GPCPD1: variants seen among roughly 807,000 people sequenced by gnomAD.
GPCPD1 encodes the protein glycerophosphocholine phosphodiesterase 1, also known as glycerophosphocholine phosphodiesterase GPCPD1.
In GPCPD1, 29 loss-of-function variants were observed where a neutral mutation model predicts 89.2. That is an observed-to-expected ratio of 0.33 (90% CI 0.24 to 0.44). The LOEUF is 0.44. Among genes scored for constraint, GPCPD1 ranks in the 20% least tolerant of loss-of-function variants. The pLI is 1.00. For missense variants in GPCPD1, 594 were observed against 808.9 expected, an observed-to-expected ratio of 0.73 and a Z score of 3.22; for synonymous variants, 258 against 266.3, an observed-to-expected ratio of 0.97 and a Z score of 0.30.
At chr20:5,588,095 T>C (rs1979054841) in intron 4 of GPCPD1, among the ~76,000 whole-genome samples, 1 of 152,268 alleles carries the variant, frequency 6.6e-6, no homozygotes, top group South Asian at 2.1e-4. Context: ...GTGACTTTCG[T>C]ATCCATTATA....
chr20:5,598,968 T>C, intron 2 of GPCPD1, 147 bp from the exon 3 acceptor site: 1 of 619,570 alleles, frequency 1.6e-6, no homozygotes, highest in African/African-American at 1.8e-5. Flanking sequence ...TGGGCCCAGG[T>C]ACCTACCACT....
Position 5,571,225 on chromosome 20 carries a change from G to A in GPCPD1, c.1057-986C>T, listed in dbSNP as rs542185590. On this transcript the variant is annotated intron_variant, in intron 11 of 19. Coordinates refer to ENST00000379019, the MANE Select transcript of GPCPD1 (RefSeq NM_019593.5). ...GAAGCCTACTTCCTTGCAGACTTCC[G>A]AAGCGGGAAACTTAGCACCTCTTAT... 3.3e-5 allele frequency among the ~76,000 whole-genome samples: 5 copies of A among 152,272 alleles called. No individual in the cohort carries two copies. In the South Asian group the frequency reaches 6.2e-4, roughly 19 times the overall value.
chr20:5,564,879 A>G, intron 15 of GPCPD1, 138 bp downstream of exon 15: 2 of 668,888 alleles, frequency 3.0e-6, no homozygotes, highest in Non-Finnish European at 5.4e-6. Flanking sequence ...CTTCTCTAAA[A>G]GGCACCAATG....
chr20:5,576,184 GC>G (rs1978288344), intron 8 of GPCPD1, among the ~76,000 whole-genome samples: 1 of 151,718 alleles, frequency 6.6e-6, no homozygotes, highest in Admixed American at 6.6e-5. Context: ...ACTTTGGGAT[GC>G]TGACGCAGGC....
chr20:5,580,215 C>T, intron 6 of GPCPD1, 84 bp from the exon 7 acceptor site: 1 of 653,154 alleles, frequency 1.5e-6, no homozygotes, highest in Non-Finnish European at 2.6e-6. Flanking sequence ...ATTGATAATT[C>T]TAGTTCACAT....
Position 5,554,113 on chromosome 20 carries a change from C to T in GPCPD1, c.1829+3832G>A, listed in dbSNP as rs964064902. 2.2e-5 allele frequency among the ~76,000 whole-genome samples: 3 copies of T among 135,248 alleles called. 1 individual carries two copies. Among genetic ancestry groups the T allele is most frequent in the Non-Finnish European group, 4.7e-5 (3 of 63,644 alleles). 88.7% of individuals were successfully genotyped at this position (135,248 alleles called of 152,430 possible). A position where few individuals can be genotyped will look rare whatever the true frequency, so the allele number is the denominator to read the frequency against. ...CCTCCCGAGTAGCTGGGACTACAGG[C>T]GCCCGCCACCACGCCCGGCTAATTA... On this transcript the variant is annotated intron_variant, in intron 19 of 19. Coordinates refer to ENST00000379019, the MANE Select transcript of GPCPD1 (RefSeq NM_019593.5).
chr20:5,575,369 A>G, intron 10 of GPCPD1, 44 bp downstream of exon 10: 5 of 1,444,160 alleles, frequency 3.5e-6, no homozygotes, highest in Non-Finnish European at 4.8e-6. Context: ...TCTACCGAAC[A>G]TAAGCTACAC....
chr20:5,581,656 C>T (rs1208506520), intron 6 of GPCPD1, among the ~76,000 whole-genome samples: 4 of 152,110 alleles, frequency 2.6e-5, no homozygotes, highest in Non-Finnish European at 5.9e-5. Context: ...ACCTACTTAA[C>T]ATAGGTAATA....
chr20:5,582,321 C>T (rs1223363059), intron 6 of GPCPD1, among the ~76,000 whole-genome samples: 1 of 148,690 alleles, frequency 6.7e-6, no homozygotes, highest in East Asian at 2.0e-4. Flanking sequence ...AAGTACTGTA[C>T]ACTGTTTTCT....
chr20:5,549,457 C>G, intron 19 of GPCPD1: 2 of 1,204,362 alleles, frequency 1.7e-6, no homozygotes, highest in Non-Finnish European at 2.4e-6. Context: ...ACAGCTCCAC[C>G]ACTAAAAATA....
chr20:5,567,709 C>G lies in GPCPD1; in HGVS notation c.1150-149G>C. 5.5e-6 allele frequency: 4 copies of G among 726,246 alleles called. No individual in the cohort carries two copies. In the East Asian group the frequency reaches 1.2e-4, roughly 22 times the overall value. The allele number at this position is 726,246 out of a possible 1,614,324, so 45.0% of individuals were successfully genotyped here. On this transcript the variant is annotated intron_variant, in intron 12 of 19. Coordinates refer to ENST00000379019, the MANE Select transcript of GPCPD1 (RefSeq NM_019593.5). ...ATGAGAATAACTGTTAGTAGCCATA[C>G]TGAGCCCATGCAGGACAGCCCTTCT...
intron 15 of GPCPD1, among the ~76,000 whole-genome samples, chr20:5,564,511 T>G (rs1263454182): frequency 6.6e-6 from 1 of 152,106 alleles, no homozygotes; most frequent in Non-Finnish European, 1.5e-5. Context: ...AGAAAAAAAG[T>G]AGCACAAGTA....
intron 3 of GPCPD1, among the ~76,000 whole-genome samples, chr20:5,593,669 A>C (rs1156575983): frequency 2.0e-5 from 3 of 152,210 alleles, no homozygotes; most frequent in African/African-American, 7.2e-5. Context: ...GACAGAACGA[A>C]GTTCTGGAGG....
intron 5 of GPCPD1, 29 bp from the exon 6 acceptor site, chr20:5,584,351 G>C (rs1390967109): frequency 9.9e-7 from 1 of 1,014,312 alleles, no homozygotes; most frequent in South Asian, 1.3e-5. Flanking sequence ...AGAAAATTTA[G>C]TTAAAACTCT....
At chr20:5,566,196 A>G (rs1986387282) in intron 14 of GPCPD1, among the ~76,000 whole-genome samples, 1 of 152,202 alleles carries the variant, frequency 6.6e-6, no homozygotes, top group South Asian at 2.1e-4. Context: ...AGTCTCTGGG[A>G]ATATAAAAAC....
rs193300830 is a variant in GPCPD1, at chr20:5,549,721, G to T, written c.1830-1871C>A. On this transcript the variant is annotated intron_variant, in intron 19 of 19. Coordinates refer to ENST00000379019, the MANE Select transcript of GPCPD1 (RefSeq NM_019593.5). ...GATTGTGCCACTGCACTCCAACCTGGGCAGCAGAGTGAGAGAGAACCTGCC... is the reference window on the plus strand; with the variant it reads ...GATTGTGCCACTGCACTCCAACCTGTGCAGCAGAGTGAGAGAGAACCTGCC... 2.1e-5 allele frequency among the ~76,000 whole-genome samples: 3 copies of T among 144,462 alleles called. No individual in the cohort carries two copies. In the East Asian group the frequency reaches 6.0e-4, roughly 29 times the overall value. 94.8% of individuals were successfully genotyped at this position (144,462 alleles called of 152,430 possible).
At chr20:5,561,113 G>T (rs553297637) in intron 16 of GPCPD1, among the ~76,000 whole-genome samples, 54 of 152,262 alleles carry the variant, frequency 3.5e-4, no homozygotes, top group African/African-American at 1.2e-3. Context: ...ACAGAAAACT[G>T]CTTAGAAAAT....
intron 16 of GPCPD1, among the ~76,000 whole-genome samples, chr20:5,560,820 A>G (rs1386890523): frequency 1.3e-5 from 2 of 152,106 alleles, no homozygotes; most frequent in African/African-American, 2.4e-5. Context: ...CCCACACTCT[A>G]CTACCCCAAG....
At chr20:5,610,610 G>A (rs1053146066) in intron 1 of GPCPD1, among the ~76,000 whole-genome samples, 2 of 152,114 alleles carry the variant, frequency 1.3e-5, no homozygotes, top group Admixed American at 1.3e-4. Context: ...CAGCCCAGCA[G>A]AAGCGCGGCA....
Sources: allele counts gnomAD v4.1 joint callset (sites outside exome capture counted in the v4.1 genomes callset), GRCh38; gene constraint gnomAD v4.1.1; transcripts MANE v1.5; gene names NCBI Gene and HGNC (gene_info 2026-07-23, HGNC 2026-07-21).